The following CYTH1 variants were observed in gnomAD, a reference collection of about 807,000 sequenced individuals.
CYTH1 encodes the protein cytohesin-1.
In CYTH1, 18 loss-of-function variants were observed where a neutral mutation model predicts 61.8. The ratio of observed to expected loss-of-function variants is 0.29; its 90% CI spans 0.20 to 0.43. CYTH1 has a LOEUF of 0.43. Among genes scored for constraint, CYTH1 ranks in the 20% least tolerant of loss-of-function variants. The pLI, the probability that CYTH1 is intolerant of heterozygous loss-of-function variation, is 1.00. For synonymous variants in CYTH1, 174 were observed against 184.3 expected (o/e 0.94, Z 0.45); for missense variants, 336 against 510.5 (o/e 0.66, Z 3.29).
At chr17:78,703,207 T>C (rs914507190) in intron 3 of CYTH1, among the ~76,000 whole-genome samples, 1 of 148,892 alleles carries the variant, frequency 6.7e-6, no homozygotes, top group Non-Finnish European at 1.5e-5. Flanking sequence ...AGGTCAGGAG[T>C]TCAAGACCAG....
chr17:78,738,837 T>A (rs756231284), intron 1 of CYTH1, among the ~76,000 whole-genome samples: 10 of 152,334 alleles, frequency 6.6e-5, no homozygotes, highest in Admixed American at 2.6e-4. Context: ...AGGTCACTTC[T>A]ATTTTCTCCC....
chr17:78,720,084 A>G (rs2093215123), intron 1 of CYTH1, among the ~76,000 whole-genome samples: 2 of 152,134 alleles, frequency 1.3e-5, no homozygotes, highest in Admixed American at 6.6e-5. Flanking sequence ...GGATGTTGCC[A>G]GGGGCTGGGG....
chr17:78,680,671 G>A (rs577152475), intron 12 of CYTH1, among the ~76,000 whole-genome samples: 8 of 152,308 alleles, frequency 5.3e-5, no homozygotes, highest in South Asian at 2.1e-4. Context: ...AAAACTAAAC[G>A]GGAGGTGTCC....
Position 78,676,017 on chromosome 17 carries a change from A to T in CYTH1, c.*74T>A. 1 of 1,558,030 alleles carries T rather than the reference A, an allele frequency of 6.4e-7. No homozygotes were observed. The highest frequency in any genetic ancestry group is 2.4e-5 in the East Asian group (1 of 42,548). On this transcript the variant is annotated 3_prime_UTR_variant, in exon 14 of 14. Transcript: ENST00000446868. The stretch of plus-strand genomic sequence containing the variant: ...GGCAGAGGACGCTCTGCTCGGCAGC[A>T]GTGCATCCATGGAGGTGCGGGAGAA...
At chr17:78,773,566 T>C (rs2093479925) in intron 1 of CYTH1, among the ~76,000 whole-genome samples, 1 of 151,776 alleles carries the variant, frequency 6.6e-6, no homozygotes, top group Admixed American at 6.6e-5. Context: ...GAGGCAGATG[T>C]TGCAGTGAGC....
At chr17:78,774,156 T>C (rs535703357) in intron 1 of CYTH1, among the ~76,000 whole-genome samples, 58 of 152,310 alleles carry the variant, frequency 3.8e-4, no homozygotes, top group South Asian at 2.9e-3. Context: ...AAAGAGTAAA[T>C]TGGTGCAGCC....
In CYTH1 at chr17:78,717,690, G is replaced by A. The variant is rs1319544559; in HGVS notation, c.23-7958C>T. Among the ~76,000 whole-genome samples the A allele has an allele frequency of 6.6e-6, 1 of 152,112 alleles. No individual in the cohort carries two copies. Among genetic ancestry groups the A allele is most frequent in the Admixed American group, 6.5e-5 (1 of 15,270 alleles). ...CGCGCTCCACCGGCCACAGGCAGAT[G>A]CCCGGGGATATGCCATAAAGTTCCA... On this transcript the variant is annotated intron_variant, in intron 1 of 13. Transcript: ENST00000446868. This position sits in a 1 kb window ranked among gnomAD's most constrained non-coding sequence, Gnocchi z 4.4.
intron 1 of CYTH1, among the ~76,000 whole-genome samples, chr17:78,763,764 G>A (rs1439330247): frequency 6.6e-6 from 1 of 152,170 alleles, no homozygotes; most frequent in Non-Finnish European, 1.5e-5. Flanking sequence ...ATGGATAAGG[G>A]GGAAAGTATG....
intron 2 of CYTH1, 114 bp from the exon 3 acceptor site, chr17:78,708,375 A>C (rs2093091099): frequency 1.0e-6 from 1 of 965,218 alleles, no homozygotes. Flanking sequence ...AAAATGAAAC[A>C]AAATATGACA....
chr17:78,769,645 G>T (rs2093462620), intron 1 of CYTH1, among the ~76,000 whole-genome samples: 1 of 152,154 alleles, frequency 6.6e-6, no homozygotes, highest in South Asian at 2.1e-4. Flanking sequence ...CAAAGCATCG[G>T]TGACAACAGG....
At chr17:78,692,776 G>A (rs1478898672) in intron 10 of CYTH1, among the ~76,000 whole-genome samples, 1 of 151,958 alleles carries the variant, frequency 6.6e-6, no homozygotes, top group Admixed American at 6.6e-5. Flanking sequence ...GAGAAAACCC[G>A]GGGCAATAAT....
intron 1 of CYTH1, among the ~76,000 whole-genome samples, chr17:78,734,437 T>A (rs1251270962): frequency 3.4e-5 from 4 of 119,242 alleles, no homozygotes; most frequent in Admixed American, 1.6e-4. Flanking sequence ...AAAAGCTTTT[T>A]TTTTTTTTTT....
chr17:78,692,281 T>C (rs528042711), intron 11 of CYTH1, 136 bp downstream of exon 11: 2 of 892,564 alleles, frequency 2.2e-6, no homozygotes, highest in East Asian at 2.5e-5. Context: ...TCTTGCACTT[T>C]GCTTAAACTC....
intron 1 of CYTH1, among the ~76,000 whole-genome samples, chr17:78,714,234 G>T (rs2093162009): frequency 6.6e-6 from 1 of 152,092 alleles, no homozygotes; most frequent in African/African-American, 2.4e-5. Context: ...AGGTTGCAGT[G>T]AGCCAAGATG....
intron 1 of CYTH1, among the ~76,000 whole-genome samples, chr17:78,775,970 C>T (rs2093489214): frequency 6.6e-6 from 1 of 152,016 alleles, no homozygotes; most frequent in Non-Finnish European, 1.5e-5. Context: ...GCCTGGCCAA[C>T]ATGGTGAAAC....
intron 1 of CYTH1, among the ~76,000 whole-genome samples, chr17:78,711,290 AAATAAATAAATAATAT>A (rs768285374): frequency 3.3e-5 from 4 of 122,424 alleles, no homozygotes; most frequent in Non-Finnish European, 5.2e-5. Flanking sequence ...ATAAATAAAT[AAATAAATAAATAATAT>A]ATATATATAC....
chr17:78,766,182 C>T (rs1292072573), intron 1 of CYTH1, among the ~76,000 whole-genome samples: 1 of 151,200 alleles, frequency 6.6e-6, no homozygotes, highest in African/African-American at 2.4e-5. Flanking sequence ...GGGAGCTGCT[C>T]TGTAACTCCC....
At chr17:78,776,289 C>T (rs1057087348) in intron 1 of CYTH1, among the ~76,000 whole-genome samples, 26 of 152,132 alleles carry the variant, frequency 1.7e-4, no homozygotes, top group Admixed American at 2.6e-4. Flanking sequence ...CCCGCAAATA[C>T]TCCCTTAAAG....
intron 1 of CYTH1, 86 bp from the exon 2 acceptor site, chr17:78,709,818 T>C (rs969108951): frequency 2.5e-5 from 31 of 1,217,576 alleles, no homozygotes; most frequent in Non-Finnish European, 3.4e-5. Flanking sequence ...AGGAGAAAGA[T>C]ATCAAGAAAG....
Sources: allele counts gnomAD v4.1 joint callset (sites outside exome capture counted in the v4.1 genomes callset), GRCh38; gene constraint gnomAD v4.1.1; non-coding constraint Gnocchi (gnomAD v3.1); transcripts MANE v1.5; gene names NCBI Gene and HGNC (gene_info 2026-07-23, HGNC 2026-07-21).